The following NUP205 variants were observed in gnomAD, a reference collection of about 807,000 sequenced individuals.
NUP205 encodes nucleoporin 205, also known as nuclear pore complex protein Nup205.
NUP205 carries 76 observed loss-of-function variants against 253.8 expected under a neutral mutation model. The observed-to-expected ratio is 0.30, with a 90% CI of 0.25 to 0.36. The LOEUF is 0.36. Ranked by LOEUF, NUP205 falls within the 10% of genes least tolerant of loss-of-function variation. The pLI is 1.00. For synonymous variants in NUP205, 832 were observed against 850.1 expected (o/e 0.98, Z 0.37); for missense variants, 2,162 against 2,425.5 (o/e 0.89, Z 2.28).
intron 16 of NUP205, 54 bp downstream of exon 16, chr7:135,601,023 A>G: frequency 1.1e-6 from 1 of 915,264 alleles, no homozygotes; most frequent in Non-Finnish European, 1.7e-6. Context: ...TAATTTATAA[A>G]TTATGGCTAT....
At chr7:135,570,717 TA>T (rs1262274513) in intron 1 of NUP205, among the ~76,000 whole-genome samples, 1 of 93,804 alleles carries the variant, frequency 1.1e-5, no homozygotes, top group Admixed American at 1.7e-4. Context: ...TTAATATAAT[TA>T]ATTATATTTA....
intron 10 of NUP205, among the ~76,000 whole-genome samples, chr7:135,590,517 T>G (rs1806600290): frequency 6.6e-6 from 1 of 152,102 alleles, no homozygotes; most frequent in Non-Finnish European, 1.5e-5. Flanking sequence ...TTAAAAATGT[T>G]ATTTTGCTAC....
chr7:135,619,900 T>C lies in NUP205; in HGVS notation c.4330+12T>C. On this transcript the variant is annotated intron_variant, in intron 30 of 42. Transcript: ENST00000285968. ...CACCTTAGAAGCAGGTAGAATGAGA[T>C]CAATTCCTAATCTTTTCTGGATTGG... 1 of 1,520,066 alleles carries C rather than the reference T, an allele frequency of 6.6e-7. No homozygotes were observed. The highest frequency in any genetic ancestry group is 1.2e-5 in the South Asian group (1 of 85,708). The allele number at this position is 1,520,066 out of a possible 1,614,324, so 94.2% of individuals were successfully genotyped here. A position where few individuals can be genotyped will look rare whatever the true frequency, so the allele number is the denominator to read the frequency against.
chr7:135,600,813 C>A, intron 15 of NUP205, 57 bp from the exon 16 acceptor site: 5 of 1,001,560 alleles, frequency 5.0e-6, no homozygotes, highest in Non-Finnish European at 7.5e-6. Context: ...AAAAGCCTTG[C>A]AAGGCCACCA....
chr7:135,645,783 C>G (rs1325970711), intron 41 of NUP205, 187 bp downstream of exon 41: 1 of 618,948 alleles, frequency 1.6e-6, no homozygotes, highest in Non-Finnish European at 2.8e-6. Flanking sequence ...TTGTGCTGAG[C>G]ATAAGAATAT....
At chr7:135,613,152 T>TA (rs199545404) in intron 22 of NUP205, among the ~76,000 whole-genome samples, 2 of 152,042 alleles carry the variant, frequency 1.3e-5, no homozygotes, top group African/African-American at 4.8e-5. Flanking sequence ...TTTTTTTTTT[T>TA]AATTCCTGAA....
intron 6 of NUP205, 127 bp from the exon 7 acceptor site, chr7:135,578,624 A>T: frequency 1.6e-6 from 1 of 606,136 alleles, no homozygotes; most frequent in Non-Finnish European, 2.8e-6. Flanking sequence ...TGTAGAAATT[A>T]ATGTTAATTG....
chr7:135,608,271 GC>G (rs1018654613), intron 22 of NUP205, among the ~76,000 whole-genome samples: 25 of 152,154 alleles, frequency 1.6e-4, no homozygotes, highest in African/African-American at 5.8e-4. Context: ...TGATCCACCT[GC>G]CTCGGTCTCC....
intron 9 of NUP205, 79 bp from the exon 10 acceptor site, chr7:135,587,776 C>T (rs1204212683): frequency 6.5e-7 from 1 of 1,537,206 alleles, no homozygotes; most frequent in African/African-American, 1.4e-5. Context: ...AGGTGTAATA[C>T]TTTAAATGTC....
intron 21 of NUP205, 27 bp downstream of exon 21, chr7:135,606,942 C>T: frequency 6.3e-7 from 1 of 1,598,020 alleles, no homozygotes. Flanking sequence ...AAAGGCATTT[C>T]TTTCCTTCCA....
chr7:135,622,797 A>C lies in NUP205; in HGVS notation c.4351A>C (p.Arg1451=). The part of the protein sequence containing the change: ...LEAAKKTMWE[R]LTAPEDVFSK... The stretch of plus-strand genomic sequence containing the variant: ...TTTAGCCAAGAAAACCATGTGGGAA[A>C]GGCTGACAGCCCCTGAAGATGTATT... Residue 1451 remains arginine (R), a synonymous_variant, in exon 31 of 43, where the codon AGG becomes CGG. Transcript: ENST00000285968. The C allele has an allele frequency of 6.2e-7, 1 of 1,614,006 alleles. No individual in the cohort carries two copies. Among genetic ancestry groups the C allele is most frequent in the Non-Finnish European group, 8.5e-7 (1 of 1,179,988 alleles).
Position 135,579,714 on chromosome 7 carries a change from C to T in NUP205, c.1042+799C>T, listed in dbSNP as rs953667736. On this transcript the variant is annotated intron_variant, in intron 7 of 42. Transcript: ENST00000285968. ...AGGCTGGAGTGCAGTGGCTCGATCC[C>T]GGCTCACTGCAACCTCCACCTACTG... Among the ~76,000 whole-genome samples, 23 of 152,162 alleles carry T rather than the reference C, an allele frequency of 1.5e-4. No individual in the cohort carries two copies. In the East Asian group the frequency reaches 3.5e-3, roughly 23 times the overall value.
At chr7:135,560,239 G>A (rs1053092807) in intron 1 of NUP205, among the ~76,000 whole-genome samples, 5 of 151,432 alleles carry the variant, frequency 3.3e-5, no homozygotes, top group East Asian at 1.9e-4. Context: ...CAGGTGATCC[G>A]CCTACCTCGG....
intron 8 of NUP205, among the ~76,000 whole-genome samples, chr7:135,586,359 A>G (rs1806464809): frequency 6.6e-6 from 1 of 151,868 alleles, no homozygotes; most frequent in South Asian, 2.1e-4. Flanking sequence ...TATTGATCTT[A>G]TTGATCTTTC....
intron 22 of NUP205, among the ~76,000 whole-genome samples, chr7:135,609,085 CAA>C (rs1563127013): frequency 2.4e-5 from 2 of 82,354 alleles, no homozygotes; most frequent in Non-Finnish European, 4.6e-5. Flanking sequence ...GCCTGGGCAA[CAA>C]GAGCAAAACT....
chr7:135,584,099 C>G (rs780475635), intron 7 of NUP205, among the ~76,000 whole-genome samples: 8 of 151,946 alleles, frequency 5.3e-5, no homozygotes, highest in Admixed American at 1.3e-4. Flanking sequence ...CATGAGCCAC[C>G]CTGCCCGGCC....
At chr7:135,622,667 T>G in intron 30 of NUP205, 110 bp from the exon 31 acceptor site, 1 of 1,024,190 alleles carries the variant, frequency 9.8e-7, no homozygotes. Flanking sequence ...GATTTTTTTG[T>G]TGCGTTTTTT....
intron 37 of NUP205, 127 bp downstream of exon 37, chr7:135,638,186 G>A (rs964895137): frequency 3.2e-5 from 30 of 934,296 alleles, no homozygotes; most frequent in Non-Finnish European, 4.8e-5. Context: ...AAGGCGGATG[G>A]ATCACCTGAG....
intron 1 of NUP205, among the ~76,000 whole-genome samples, chr7:135,568,249 A>G (rs1026002510): frequency 4.6e-5 from 7 of 152,014 alleles, no homozygotes; most frequent in Non-Finnish European, 1.0e-4. Flanking sequence ...GATAAAATCA[A>G]TTTAGTGGGC....
Sources: allele counts gnomAD v4.1 joint callset (sites outside exome capture counted in the v4.1 genomes callset), GRCh38; gene constraint gnomAD v4.1.1; transcripts MANE v1.5; gene names NCBI Gene and HGNC (gene_info 2026-07-23, HGNC 2026-07-21).